Variants in PLAGL1 observed in about 807,000 individuals in gnomAD.
PLAGL1 encodes the protein PLAG1 like zinc finger 1, also known as zinc finger protein PLAGL1.
PLAGL1 carries 1 observed loss-of-function variant against 4.6 expected under a neutral mutation model. That is an observed-to-expected ratio of 0.22 (90% confidence interval 0.08 to 1.03). PLAGL1 has a LOEUF of 1.03. PLAGL1 is among the 50% of genes least tolerant of loss of function. The probability of loss-of-function intolerance (pLI) is 0.58; values close to 1 mark genes in which losing one functional copy is unlikely to be tolerated. For missense variants in PLAGL1, 464 were observed against 570.4 expected (o/e 0.81, Z 1.90); for synonymous variants, 240 against 237.8 (o/e 1.01, Z -0.08).
chr6:143,980,407 C>A (rs1305929920), intron 2 of PLAGL1, among the ~76,000 whole-genome samples: 1 of 130,858 alleles, frequency 7.6e-6, no homozygotes. Flanking sequence ...TTTTTTTTTC[C>A]ATTCAGTATC....
At position 143,989,329 on chromosome 6, in the gene PLAGL1, A is replaced by G. The variant is rs769544575; in HGVS notation, c.-583-4155T>C. ...TGCCACAAGTGCCAGGTTAAACATT[A>G]TTTCTGGCTACGTCCATGCAGGTAT... On this transcript the variant is annotated intron_variant, in intron 1 of 7. Coordinates refer to ENST00000674357, the MANE Select transcript of PLAGL1 (RefSeq NM_001317162.2). The surrounding 1 kb of genome is among the most constrained non-coding windows in gnomAD (Gnocchi z 4.8). 6.6e-6 allele frequency among the ~76,000 whole-genome samples: 1 copy of G among 152,196 alleles called. No homozygotes were observed. The highest frequency in any genetic ancestry group is 1.5e-5 in the Non-Finnish European group (1 of 68,036).
chr6:144,007,990 C>T (rs1487508519), intron 1 of PLAGL1, 100 bp downstream of exon 1: 10 of 152,038 alleles, frequency 6.6e-5, no homozygotes, highest in African/African-American at 2.4e-4. Flanking sequence ...GCACACCCTC[C>T]TCGCGGCCGC....
At chr6:144,019,715 G>C (rs933015140) in intron 1 of PLAGL1, among the ~76,000 whole-genome samples, 3 of 151,798 alleles carry the variant, frequency 2.0e-5, no homozygotes, top group Admixed American at 1.3e-4. Context: ...ATCTAAGTGG[G>C]GGGGTAGGGG....
chr6:144,010,142 A>T (rs1379779607), upstream of PLAGL1, among the ~76,000 whole-genome samples: 4 of 152,228 alleles, frequency 2.6e-5, no homozygotes, highest in African/African-American at 4.8e-5. The surrounding 1 kb of genome is among the most constrained non-coding windows in gnomAD (Gnocchi z 4.1). Flanking sequence ...CCAACAGCGT[A>T]AAAGCGTTCC....
chr6:144,024,024 G>A (rs1048315816), intron 1 of PLAGL1, among the ~76,000 whole-genome samples: 2 of 152,018 alleles, frequency 1.3e-5, no homozygotes, highest in African/African-American at 2.4e-5. Flanking sequence ...CAATTGGCCC[G>A]CCTCACCCTC....
chr6:143,981,501 A>G (rs1208529769), intron 2 of PLAGL1, among the ~76,000 whole-genome samples: 1 of 152,018 alleles, frequency 6.6e-6, no homozygotes, highest in Admixed American at 6.6e-5. Context: ...TAACTCCATC[A>G]TCTCAACCTA....
At chr6:143,998,355 G>A (rs1792124454) in intron 1 of PLAGL1, among the ~76,000 whole-genome samples, 2 of 152,132 alleles carry the variant, frequency 1.3e-5, no homozygotes, top group Admixed American at 1.3e-4. Flanking sequence ...TTTAGCACAA[G>A]GGCAGTATGG....
Position 143,989,111 on chromosome 6 carries a change from T to C in PLAGL1, c.-583-3937A>G, listed in dbSNP as rs1789837182. ...AATCACAGCGCTAACCAAATAATAATGCATACCTCAGGGATAACTTGGAAA... is the reference window on the plus strand; with the variant it reads ...AATCACAGCGCTAACCAAATAATAACGCATACCTCAGGGATAACTTGGAAA... On this transcript the variant is annotated intron_variant, in intron 1 of 7. Transcript: ENST00000674357. The surrounding 1 kb of genome is among the most constrained non-coding windows in gnomAD (Gnocchi z 4.8). 6.6e-6 allele frequency among the ~76,000 whole-genome samples: 1 copy of C among 152,172 alleles called. No individual in the cohort carries two copies. The highest frequency in any genetic ancestry group is 2.1e-4 in the South Asian group (1 of 4,826).
chr6:144,060,402 C>T (rs1799302466), intron 1 of PLAGL1, among the ~76,000 whole-genome samples: 1 of 152,128 alleles, frequency 6.6e-6, no homozygotes. Context: ...TTCCTCATTG[C>T]TCCCCAGGTT....
intron 1 of PLAGL1, among the ~76,000 whole-genome samples, chr6:144,024,262 C>A (rs1172858520): frequency 6.6e-6 from 1 of 152,146 alleles, no homozygotes; most frequent in African/African-American, 2.4e-5. Context: ...TAAAAGGAAC[C>A]ATGCCCCTTG....
intron 1 of PLAGL1, among the ~76,000 whole-genome samples, chr6:144,057,707 C>T (rs919783032): frequency 1.3e-5 from 2 of 152,196 alleles, no homozygotes; most frequent in African/African-American, 4.8e-5. Context: ...TAGCTGTGCC[C>T]GAAGAGAAAA....
chr6:144,054,017 T>C (rs2128726661), intron 1 of PLAGL1, among the ~76,000 whole-genome samples: 1 of 151,846 alleles, frequency 6.6e-6, no homozygotes, highest in African/African-American at 2.4e-5. Context: ...CAAATGATAC[T>C]ATTTAACTCT....
intron 1 of PLAGL1, among the ~76,000 whole-genome samples, chr6:144,025,735 C>CAA (rs371471806): frequency 6.6e-6 from 1 of 151,418 alleles, no homozygotes; most frequent in Non-Finnish European, 1.5e-5. Context: ...ACTAAAAATA[C>CAA]AAAAAAAATT....
rs1372761517 is a variant in PLAGL1 at position 144,048,817 on chromosome 6, C to A, written c.-151+15651G>T. Among the ~76,000 whole-genome samples the A allele has an allele frequency of 2.0e-5, 3 of 152,244 alleles. No individual in the cohort carries two copies. The highest frequency in any genetic ancestry group is 4.8e-5 in the African/African-American group (2 of 41,462). On this transcript the variant is annotated intron_variant, in intron 1 of 3. Coordinates refer to the PLAGL1 transcript ENST00000437412. The surrounding 1 kb of genome is among the most constrained non-coding windows in gnomAD (Gnocchi z 4.8). ...GGCTCCTCATTACTCATGCAAATTT[C>A]TGCAGCTGGCTTGAATTCCTCCTTA...
In PLAGL1 at chr6:144,027,258, A is replaced by AGAAAGAAAGAAAGAAG. The variant is rs1796429380; in HGVS notation, c.-151+37209_-151+37210insCTTCTTTCTTTCTTTC. Among the ~76,000 whole-genome samples, 1 of 144,842 alleles carries AGAAAGAAAGAAAGAAG rather than the reference A, an allele frequency of 6.9e-6. No homozygotes were observed. The highest frequency in any genetic ancestry group is 2.5e-5 in the African/African-American group (1 of 39,348). Reference sequence around the variant, plus strand: ...ACGAAAGAAAGAAAGAAAGAAAGAAAGAAAGAAAGAAAGAAAGAAAGAAAG... The same window carrying AGAAAGAAAGAAAGAAG: ...ACGAAAGAAAGAAAGAAAGAAAGAAAGAAAGAAAGAAAGAAGGAAAGAAAGAAAGAAAGAAAGAAAG... On this transcript the variant is annotated intron_variant, in intron 1 of 3. Transcript: ENST00000437412. The surrounding 1 kb of genome is among the most constrained non-coding windows in gnomAD (Gnocchi z 5.8).
rs1216256456 is a variant in PLAGL1 at position 143,950,436 on chromosome 6, C to T, written c.-324-1976G>A. The stretch of plus-strand genomic sequence containing the variant: ...TTCTATTCCGCCTGCCGAGTTTGCT[C>T]TGCTAGGTATCATGATCTGTTCTAC... On this transcript the variant is annotated intron_variant, in intron 6 of 7. Transcript: ENST00000674357. The surrounding 1 kb of genome is among the most constrained non-coding windows in gnomAD (Gnocchi z 6.3). 6.6e-6 allele frequency among the ~76,000 whole-genome samples: 1 copy of T among 152,184 alleles called. No homozygotes were observed.
upstream of PLAGL1, among the ~76,000 whole-genome samples, chr6:144,009,145 T>C (rs182425851): frequency 6.6e-6 from 1 of 152,336 alleles, no homozygotes; most frequent in Non-Finnish European, 1.5e-5. Flanking sequence ...ATTAGCATCA[T>C]ACACCTCCAC....
intron 1 of PLAGL1, among the ~76,000 whole-genome samples, chr6:143,986,753 GA>G: frequency 6.6e-6 from 1 of 152,282 alleles, no homozygotes; most frequent in East Asian, 1.9e-4. Flanking sequence ...GCATAGCTGT[GA>G]CAGTTTTGCC....
chr6:144,011,843 C>CA (rs1795213177), upstream of PLAGL1, among the ~76,000 whole-genome samples: 1 of 152,196 alleles, frequency 6.6e-6, no homozygotes, highest in Non-Finnish European at 1.5e-5. This position sits in a 1 kb window ranked among gnomAD's most constrained non-coding sequence, Gnocchi z 4.3. Context: ...CTCAGAGTTT[C>CA]AGTTCATTTG....
Sources: gnomAD v4.1 joint callset for allele counts (sites outside exome capture counted in the v4.1 genomes callset) on GRCh38, gnomAD v4.1.1 for gene constraint, Gnocchi (gnomAD v3.1) non-coding constraint, MANE v1.5 for transcripts, NCBI Gene and HGNC (gene_info 2026-07-23, HGNC 2026-07-21) for gene names.